The following TRIM44 variants were observed in gnomAD, a reference collection of about 807,000 sequenced individuals.
TRIM44 encodes the protein tripartite motif-containing protein 44.
A neutral mutation model predicts 37.4 loss-of-function variants in TRIM44; 13 were observed. That is an observed-to-expected ratio of 0.35 (90% CI 0.23 to 0.55). The LOEUF (loss-of-function observed/expected upper bound fraction) is 0.55. Among genes scored for constraint, TRIM44 ranks in the 20% least tolerant of loss-of-function variants. The pLI is 0.89. For synonymous variants in TRIM44, 175 were observed against 157.2 expected (o/e 1.11, Z -0.85); for missense variants, 426 against 437.2 (o/e 0.97, Z 0.23).
chr11:35,785,887 G>A (rs1286646933), intron 4 of TRIM44, among the ~76,000 whole-genome samples: 1 of 152,196 alleles, frequency 6.6e-6, no homozygotes, highest in Non-Finnish European at 1.5e-5. Flanking sequence ...TTATAAGTCT[G>A]CTCTAAGATG....
chr11:35,759,660 A>T (rs956765083), intron 4 of TRIM44, among the ~76,000 whole-genome samples: 1 of 152,054 alleles, frequency 6.6e-6, no homozygotes, highest in Non-Finnish European at 1.5e-5. Context: ...GATGATGGTG[A>T]CGTACAGATG....
rs1224201368 is a variant in TRIM44 at position 35,663,236 on chromosome 11, G to A, written c.125G>A (p.Arg42His). The A allele has an allele frequency of 6.2e-7, 1 of 1,608,344 alleles. No individual in the cohort carries two copies. The highest frequency in any genetic ancestry group is 8.5e-7 in the Non-Finnish European group (1 of 1,175,812). Residue 42 changes from arginine (R) to histidine (H), a missense_variant, in exon 1 of 5, where the codon CGC (arginine) becomes CAC (histidine). Arg to His is a conservative substitution (Grantham distance 29, BLOSUM62 0). Coordinates refer to ENST00000299413, the MANE Select transcript of TRIM44 (RefSeq NM_017583.6). The stretch of plus-strand genomic sequence containing the variant: ...CGAGAATGCGGCTTCTGCTACTGCC[G>A]CCGCCATGCCGAGGCGCACAGGCAG... Reference protein sequence around the residue: ...VCRECGFCYCRRHAEAHRQKF... With the variant: ...VCRECGFCYCHRHAEAHRQKF...
chr11:35,663,319 C>T lies in TRIM44; in HGVS notation c.208C>T (p.Pro70Ser). 6.2e-7 allele frequency: 1 copy of T among 1,613,994 alleles called. No individual in the cohort carries two copies. ...YVHGSQAWTP[P>S]ADGEGAGKEE... ...CCACGGCTCCCAGGCCTGGACCCCG[C>T]CAGCTGACGGAGAGGGGGCGGGGAA... The change falls in exon 1 of 5, where the codon CCA (proline) becomes TCA (serine). Residue 70 changes from proline (P) to serine (S), a missense_variant. By Grantham distance (74) the Pro-to-Ser change is moderately conservative. Around this residue, in one of 2 missense-constraint regions of TRIM44, gnomAD observed 331 missense variants for 303.0 expected, o/e 1.09. Transcript: ENST00000299413.
rs764492121 is a variant in TRIM44, at chr11:35,811,696, A to G, written c.*5311A>G. 4.6e-5 allele frequency: 7 copies of G among 152,226 alleles called. No individual in the cohort carries two copies. Among genetic ancestry groups the G allele is most frequent in the Non-Finnish European group, 7.3e-5 (5 of 68,038 alleles). 9.4% of individuals were successfully genotyped at this position (152,226 alleles called of 1,614,324 possible). On this transcript the variant is annotated 3_prime_UTR_variant, in exon 5 of 5. Transcript: ENST00000299413. ...AAAATACCAAGCCCTGCCTAAATGCATTAAAATTTAATGTTTAAAAATCCT... is the reference window on the plus strand; with the variant it reads ...AAAATACCAAGCCCTGCCTAAATGCGTTAAAATTTAATGTTTAAAAATCCT...
At chr11:35,722,854 C>A (rs558961905) in intron 2 of TRIM44, among the ~76,000 whole-genome samples, 2 of 152,218 alleles carry the variant, frequency 1.3e-5, no homozygotes, top group Admixed American at 1.3e-4. Flanking sequence ...TTGGTTCAGA[C>A]GCCTGTGACA....
At chr11:35,716,665 G>A (rs1208843984) in intron 2 of TRIM44, among the ~76,000 whole-genome samples, 1 of 152,128 alleles carries the variant, frequency 6.6e-6, no homozygotes, top group Admixed American at 6.5e-5. Context: ...TTATCTGGTG[G>A]AGAAAATAAA....
At chr11:35,775,603 G>A (rs1852945645) in intron 4 of TRIM44, among the ~76,000 whole-genome samples, 1 of 152,104 alleles carries the variant, frequency 6.6e-6, no homozygotes, top group Non-Finnish European at 1.5e-5. Flanking sequence ...ATTGGCTGTG[G>A]GTTTGTGATA....
At chr11:35,738,956 G>T (rs1444646783) in intron 4 of TRIM44, among the ~76,000 whole-genome samples, 1 of 152,150 alleles carries the variant, frequency 6.6e-6, no homozygotes. Context: ...AAGGAAAAAA[G>T]AAAAACTCCT....
chr11:35,674,957 G>T (rs985505650), intron 1 of TRIM44, among the ~76,000 whole-genome samples: 2 of 152,180 alleles, frequency 1.3e-5, no homozygotes, highest in Admixed American at 6.5e-5. Flanking sequence ...AAGATGGGTA[G>T]GGTGTTACTA....
In TRIM44 at chr11:35,817,555, T is replaced by A. The variant is rs1032642241; in HGVS notation, c.*11170T>A. ...GTGTGTTAGCATTTGTGTGTGTCTG[T>A]GGGTGTGTATGCATGTGTGTGGAAG... On this transcript the variant is annotated 3_prime_UTR_variant, in exon 5 of 5. Transcript: ENST00000299413. 2 of 152,186 alleles carry A rather than the reference T, an allele frequency of 1.3e-5. No homozygotes were observed. The highest frequency in any genetic ancestry group is 2.9e-5 in the Non-Finnish European group (2 of 68,034). 9.4% of individuals were successfully genotyped at this position (152,186 alleles called of 1,614,324 possible).
chr11:35,718,715 C>T (rs1216384683), intron 2 of TRIM44, among the ~76,000 whole-genome samples: 1 of 152,042 alleles, frequency 6.6e-6, no homozygotes, highest in Non-Finnish European at 1.5e-5. Context: ...TGTGCTCTGC[C>T]TTTTTATTTT....
chr11:35,721,741 T>C (rs1031201101), intron 2 of TRIM44, among the ~76,000 whole-genome samples: 9 of 152,224 alleles, frequency 5.9e-5, no homozygotes, highest in Non-Finnish European at 1.3e-4. Context: ...TCACTGAGAA[T>C]GTTGGTAGTG....
chr11:35,740,244 A>G (rs538345556), intron 4 of TRIM44, among the ~76,000 whole-genome samples: 1 of 150,870 alleles, frequency 6.6e-6, no homozygotes, highest in Non-Finnish European at 1.5e-5. Context: ...ACTCCCTCAC[A>G]GGTTGGCTCC....
chr11:35,758,682 TAGGGC>T (rs200533335), intron 4 of TRIM44, among the ~76,000 whole-genome samples: 4,229 of 152,272 alleles, frequency 0.028, 146 homozygotes, highest in African/African-American at 0.081. Context: ...GGAGCTCTTT[TAGGGC>T]AGGCTTGTTG....
intron 2 of TRIM44, among the ~76,000 whole-genome samples, chr11:35,700,617 A>G (rs534559580): frequency 6.6e-6 from 1 of 152,296 alleles, no homozygotes; most frequent in South Asian, 2.1e-4. Context: ...GGATTTTCCA[A>G]CTTATCCTAA....
chr11:35,775,010 C>G (rs532699042), intron 4 of TRIM44, among the ~76,000 whole-genome samples: 1 of 152,294 alleles, frequency 6.6e-6, no homozygotes, highest in South Asian at 2.1e-4. Flanking sequence ...TGAAGAAAGT[C>G]ATTGGTAGCT....
intron 4 of TRIM44, among the ~76,000 whole-genome samples, chr11:35,801,333 C>T (rs891094926): frequency 2.6e-5 from 4 of 152,230 alleles, no homozygotes; most frequent in Admixed American, 6.5e-5. Flanking sequence ...CTTAATTCCA[C>T]CATCCTCCTG....
rs568136716 is a variant in TRIM44 at position 35,798,908 on chromosome 11, CTG to C, written c.1008-7447_1008-7446del. On this transcript the variant is annotated intron_variant, in intron 4 of 4. Coordinates refer to ENST00000299413, the MANE Select transcript of TRIM44 (RefSeq NM_017583.6). ...ATTTCACTGTGATAATGGTGATTATCTGTGGTGGTAACATAATGGAATTTTTT... is the reference window on the plus strand; with the variant it reads ...ATTTCACTGTGATAATGGTGATTATCTGGTGGTAACATAATGGAATTTTTT... Among the ~76,000 whole-genome samples, 39 of 152,168 alleles carry C rather than the reference CTG, an allele frequency of 2.6e-4. No homozygotes were observed. The East Asian group carries it at 6.4e-3, about 25-fold the overall frequency.
rs946496646 is a variant in TRIM44 at position 35,663,235 on chromosome 11, C to T, written c.124C>T (p.Arg42Cys). The change falls in exon 1 of 5, where the codon CGC becomes TGC. Residue 42 changes from arginine to cysteine, a missense_variant. Physicochemically the swap from Arg to Cys is radical, Grantham distance 180 (BLOSUM62 -3). Coordinates refer to ENST00000299413, the MANE Select transcript of TRIM44 (RefSeq NM_017583.6). Reference sequence around the variant, plus strand: ...CCGAGAATGCGGCTTCTGCTACTGCCGCCGCCATGCCGAGGCGCACAGGCA... The same window carrying T: ...CCGAGAATGCGGCTTCTGCTACTGCTGCCGCCATGCCGAGGCGCACAGGCA... Reference protein sequence around the residue: ...VCRECGFCYCRRHAEAHRQKF... With the variant: ...VCRECGFCYCCRHAEAHRQKF... 1 of 1,608,340 alleles carries T rather than the reference C, an allele frequency of 6.2e-7. No individual in the cohort carries two copies. The highest frequency in any genetic ancestry group is 8.5e-7 in the Non-Finnish European group (1 of 1,175,796).
Sources: gnomAD v4.1 joint callset for allele counts (sites outside exome capture counted in the v4.1 genomes callset) on GRCh38, gnomAD v4.1.1 for gene constraint, gnomAD v4.1.1 regional missense constraint, MANE v1.5 for transcripts, NCBI Gene and HGNC (gene_info 2026-07-23, HGNC 2026-07-21) for gene names.